Variants in SNX29 observed in about 807,000 individuals in gnomAD.
SNX29 encodes the protein sorting nexin-29.
In SNX29, 78 loss-of-function variants were observed where a neutral mutation model predicts 102.1. That is an observed-to-expected ratio of 0.76 (90% CI 0.64 to 0.92). The LOEUF is 0.92. Among genes scored for constraint, SNX29 ranks in the 40% least tolerant of loss-of-function variants. The probability of loss-of-function intolerance (pLI) is 0.00; values close to 1 mark genes in which losing one functional copy is unlikely to be tolerated. For missense variants in SNX29, 1,280 were observed against 1,061.7 expected (o/e 1.21, Z -2.86); for synonymous variants, 580 against 414.5 (o/e 1.40, Z -4.85).
chr16:12,047,659 T>G (rs1366459551), intron 6 of SNX29, among the ~76,000 whole-genome samples: 5 of 54,964 alleles, frequency 9.1e-5, no homozygotes, highest in Admixed American at 3.6e-4. Flanking sequence ...GTCTTTTTTT[T>G]TTTTTTTTTT....
At chr16:12,458,739 T>C (rs1244066824) in intron 18 of SNX29, among the ~76,000 whole-genome samples, 1 of 152,090 alleles carries the variant, frequency 6.6e-6, no homozygotes, top group Non-Finnish European at 1.5e-5. Context: ...CTTTGGAGTG[T>C]GTCGCAATCC....
At chr16:12,305,770 A>T (rs2080318963) in intron 15 of SNX29, among the ~76,000 whole-genome samples, 1 of 152,132 alleles carries the variant, frequency 6.6e-6, no homozygotes, top group African/African-American at 2.4e-5. Context: ...TTTAATTATA[A>T]TTCTCTGGGC....
At chr16:12,391,987 C>A (rs577978452) in intron 16 of SNX29, among the ~76,000 whole-genome samples, 53 of 152,372 alleles carry the variant, frequency 3.5e-4, no homozygotes, top group African/African-American at 1.2e-3. Flanking sequence ...TCCTCTGACG[C>A]TTGCTTCTCA....
chr16:12,197,991 C>T (rs995813424), intron 13 of SNX29, among the ~76,000 whole-genome samples: 1 of 152,154 alleles, frequency 6.6e-6, no homozygotes, highest in Non-Finnish European at 1.5e-5. Context: ...AGTTTTTCAA[C>T]TAAGTCAGTG....
intron 3 of SNX29, among the ~76,000 whole-genome samples, chr16:12,020,303 T>C (rs2151091017): frequency 6.6e-6 from 1 of 152,188 alleles, no homozygotes; most frequent in Admixed American, 6.5e-5. Context: ...TTTTTTATTT[T>C]TTGTAGAGAT....
chr16:12,535,398 A>C (rs891029515), intron 20 of SNX29, among the ~76,000 whole-genome samples: 1 of 152,202 alleles, frequency 6.6e-6, no homozygotes, highest in African/African-American at 2.4e-5. Flanking sequence ...GGCCTCCCAA[A>C]GTGCTGGGAT....
chr16:12,439,058 G>A (rs965992557), intron 18 of SNX29, among the ~76,000 whole-genome samples: 1 of 152,238 alleles, frequency 6.6e-6, no homozygotes, highest in Non-Finnish European at 1.5e-5. Context: ...AGGGCTCAGA[G>A]CACGTGAGAA....
Position 12,115,458 on chromosome 16 carries a change from C to G in SNX29, c.1403-11175C>G, listed in dbSNP as rs527985545. ...GCTGCCTCTACTGTATAGCCCAGGC[C>G]TTGCCCCTGGGTTGCTCCACCTTGA... On this transcript the variant is annotated intron_variant, in intron 11 of 20. Transcript: ENST00000566228. Among the ~76,000 whole-genome samples the G allele has an allele frequency of 1.4e-4, 21 of 150,214 alleles. No homozygotes were observed. The South Asian group carries it at 4.4e-3, about 32-fold the overall frequency.
rs1555496124 is a variant in SNX29 at position 12,242,369 on chromosome 16, T to TATA, written c.1679-35564_1679-35563insATA. Among the ~76,000 whole-genome samples the TATA allele has an allele frequency of 7.2e-3, 870 of 121,508 alleles. 12 individuals carry two copies. The highest frequency in any genetic ancestry group is 0.026 in the African/African-American group (786 of 30,672). The allele number at this position is 121,508 out of a possible 152,430, so 79.7% of individuals were successfully genotyped here. ...TATATAATAATATATATATATATAT[T>TATA]TTTTTTTTTTTTTTAAGAAGAGGAG... On this transcript the variant is annotated intron_variant, in intron 14 of 20. Transcript: ENST00000566228.
intron 14 of SNX29, among the ~76,000 whole-genome samples, chr16:12,243,593 A>G (rs73504145): frequency 0.03 from 4,574 of 152,060 alleles, 224 homozygotes; most frequent in African/African-American, 0.11. Flanking sequence ...ATGGAAGACA[A>G]TTTTTTCATG....
chr16:12,558,237 C>T (rs1354246507), intron 20 of SNX29, among the ~76,000 whole-genome samples: 1 of 76,136 alleles, frequency 1.3e-5, no homozygotes, highest in Non-Finnish European at 3.8e-5. Flanking sequence ...TTCAGCCCCC[C>T]CAGTAGATGG....
intron 15 of SNX29, among the ~76,000 whole-genome samples, chr16:12,310,172 T>G (rs2080490264): frequency 6.6e-6 from 1 of 152,242 alleles, no homozygotes; most frequent in Non-Finnish European, 1.5e-5. Context: ...TGTTTACCGC[T>G]GCACCAGCTA....
intron 8 of SNX29, among the ~76,000 whole-genome samples, chr16:12,057,591 C>G (rs996491531): frequency 1.3e-5 from 2 of 152,230 alleles, no homozygotes; most frequent in South Asian, 2.1e-4. Flanking sequence ...GGAAAAGTTG[C>G]TACATCTAGA....
At chr16:12,565,065 G>C (rs899835133) in intron 20 of SNX29, among the ~76,000 whole-genome samples, 1 of 152,092 alleles carries the variant, frequency 6.6e-6, no homozygotes, top group Non-Finnish European at 1.5e-5. Flanking sequence ...TGTAGCAAAG[G>C]GGCCCAGTGG....
intron 12 of SNX29, among the ~76,000 whole-genome samples, chr16:12,128,899 G>A (rs538966327): frequency 5.3e-5 from 8 of 152,246 alleles, no homozygotes; most frequent in Admixed American, 3.3e-4. Context: ...TCTCCTAGGC[G>A]GTCACTGGTG....
At chr16:12,449,321 A>G (rs1234564972) in intron 18 of SNX29, among the ~76,000 whole-genome samples, 1 of 151,876 alleles carries the variant, frequency 6.6e-6, no homozygotes, top group African/African-American at 2.4e-5. Flanking sequence ...TAGCCAGGCA[A>G]AGAAGGCACG....
intron 15 of SNX29, among the ~76,000 whole-genome samples, chr16:12,297,886 T>C (rs895030231): frequency 9.2e-5 from 14 of 152,124 alleles, no homozygotes; most frequent in African/African-American, 2.7e-4. Context: ...ATAGCACTTA[T>C]GGGCCAGGCG....
intron 4 of SNX29, among the ~76,000 whole-genome samples, chr16:12,035,044 C>T (rs920554616): frequency 6.6e-6 from 1 of 151,906 alleles, no homozygotes; most frequent in African/African-American, 2.4e-5. Context: ...TCAGTTTGGC[C>T]TCTGAGTTGT....
intron 6 of SNX29, among the ~76,000 whole-genome samples, chr16:12,047,688 A>G (rs2050143292): frequency 7.9e-6 from 1 of 126,132 alleles, no homozygotes; most frequent in Non-Finnish European, 1.6e-5. Context: ...ACGGAGTTTC[A>G]CTCTCGTTGC....
Sources: gnomAD v4.1 joint callset for allele counts (sites outside exome capture counted in the v4.1 genomes callset) on GRCh38, gnomAD v4.1.1 for gene constraint, MANE v1.5 for transcripts, NCBI Gene and HGNC (gene_info 2026-07-23, HGNC 2026-07-21) for gene names.